The following GABRR1 variants were observed in gnomAD, a reference collection of about 807,000 sequenced individuals.
The protein encoded by GABRR1 is gamma-aminobutyric acid receptor subunit rho-1.
GABRR1 carries 59 observed loss-of-function variants against 55.5 expected under a neutral mutation model. That is an observed-to-expected ratio of 1.06 (90% CI 0.86 to 1.32). The LOEUF is 1.32. GABRR1 is among the 40% of genes most tolerant of loss of function. The probability of loss-of-function intolerance (pLI) is 0.00; values close to 1 mark genes in which losing one functional copy is unlikely to be tolerated. For synonymous variants in GABRR1, 213 were observed against 226.0 expected (o/e 0.94, Z 0.51); for missense variants, 602 against 619.1 (o/e 0.97, Z 0.29).
At chr6:89,204,627 G>A (rs1443766909) in intron 1 of GABRR1, 11 of 1,277,966 alleles carry the variant, frequency 8.6e-6, no homozygotes, top group Non-Finnish European at 1.1e-5. Context: ...AATGGAACCA[G>A]TCACTGATGA....
chr6:89,224,389 G>A (rs1007224489), intron 1 of GABRR1, among the ~76,000 whole-genome samples: 2 of 152,166 alleles, frequency 1.3e-5, no homozygotes, highest in African/African-American at 4.8e-5. Context: ...ACCATGCCCA[G>A]CCTGCATTGT....
At chr6:89,209,086 T>A (rs950627851) in intron 1 of GABRR1, among the ~76,000 whole-genome samples, 3 of 152,062 alleles carry the variant, frequency 2.0e-5, no homozygotes, top group Non-Finnish European at 2.9e-5. Context: ...AAAGAACACA[T>A]CAAGAATATG....
At chr6:89,196,190 T>C (rs1424658393) in intron 5 of GABRR1, among the ~76,000 whole-genome samples, 1 of 152,212 alleles carries the variant, frequency 6.6e-6, no homozygotes, top group East Asian at 1.9e-4. Context: ...GATGATAGAA[T>C]TATAAAAACT....
At position 89,180,297 on chromosome 6, in the gene GABRR1, C is replaced by T. The variant is rs560713515; in HGVS notation, c.1141G>A (p.Glu381Lys). 6.2e-7 allele frequency: 1 copy of T among 1,612,942 alleles called. No homozygotes were observed. The highest frequency in any genetic ancestry group is 1.3e-5 in the African/African-American group (1 of 74,936). Residue 381 changes from glutamate (E) to lysine (K), a missense_variant, in exon 9 of 10, where the codon GAG (glutamate) becomes AAG (lysine). Around this residue, in one of 3 missense-constraint regions of GABRR1, gnomAD observed 139 missense variants for 141.1 expected, o/e 0.99. Coordinates refer to ENST00000454853, the MANE Select transcript of GABRR1 (RefSeq NM_002042.5). ...VQERKEQKLREKLPCTSGLPP... is the reference protein window; with the variant it reads ...VQERKEQKLRKKLPCTSGLPP... ...TAAGCGCATGGCAAAGTCACCTTCT[C>T]CCGCAGCTTCTGTTCCTTCCTCTCC...
chr6:89,210,493 C>T (rs1396507394), intron 1 of GABRR1, among the ~76,000 whole-genome samples: 1 of 152,110 alleles, frequency 6.6e-6, no homozygotes, highest in East Asian at 1.9e-4. Flanking sequence ...CATGCCCAGT[C>T]TTCTGCAAAA....
At chr6:89,217,894 A>C (rs1773037856), upstream of GABRR1, 1 of 152,422 alleles carries the variant, frequency 6.6e-6, no homozygotes, top group Non-Finnish European at 1.5e-5. Flanking sequence ...TGAGATTGGG[A>C]GGGCAACTGG....
At chr6:89,199,491 A>G (rs978378147) in intron 3 of GABRR1, 62 bp from the exon 4 acceptor site, 3 of 1,516,204 alleles carry the variant, frequency 2.0e-6, no homozygotes, top group Non-Finnish European at 2.7e-6. Context: ...TATGGAGGAA[A>G]TAGGCAAAAG....
rs537350041 is a variant in GABRR1 at position 89,201,774 on chromosome 6, G to A, written c.174-509C>T. On this transcript the variant is annotated intron_variant, in intron 2 of 9. Transcript: ENST00000454853. ...AGCCTGGGCAACAGAGTGAGACCCCGTCTCAAAAAAAAAAAAAAAAATACC... is the reference window on the plus strand; with the variant it reads ...AGCCTGGGCAACAGAGTGAGACCCCATCTCAAAAAAAAAAAAAAAAATACC... Among the ~76,000 whole-genome samples the A allele has an allele frequency of 3.6e-4, 28 of 77,802 alleles. No homozygotes were observed. The East Asian group carries it at 6.9e-3, about 19-fold the overall frequency. 51.0% of individuals were successfully genotyped at this position (77,802 alleles called of 152,430 possible). A position where few individuals can be genotyped will look rare whatever the true frequency, so the allele number is the denominator to read the frequency against.
intron 5 of GABRR1, among the ~76,000 whole-genome samples, chr6:89,192,246 C>A (rs577582746): frequency 6.2e-4 from 95 of 152,162 alleles, no homozygotes; most frequent in Admixed American, 5.8e-3. Context: ...CACGACTGGG[C>A]GCCTCCACAC....
chr6:89,185,480 A>T (rs1771875576), intron 6 of GABRR1, 30 bp from the exon 7 acceptor site: 4 of 1,602,470 alleles, frequency 2.5e-6, no homozygotes, highest in African/African-American at 1.3e-5. Context: ...CATCAGACAC[A>T]AGGTGGTGGC....
intron 8 of GABRR1, among the ~76,000 whole-genome samples, chr6:89,181,147 A>AAGG (rs1238908826): frequency 6.6e-6 from 1 of 152,228 alleles, no homozygotes; most frequent in East Asian, 1.9e-4. Flanking sequence ...GTTAGAGGAC[A>AAGG]AGGCATCTGT....
At chr6:89,196,645 C>T (rs1014862122) in intron 5 of GABRR1, among the ~76,000 whole-genome samples, 33 of 151,896 alleles carry the variant, frequency 2.2e-4, no homozygotes, top group Non-Finnish European at 1.5e-4. Context: ...GGCATAGTGA[C>T]ACATGCCTTT....
chr6:89,222,346 T>G (rs897312984), upstream of GABRR1, among the ~76,000 whole-genome samples: 3 of 152,256 alleles, frequency 2.0e-5, no homozygotes, highest in Non-Finnish European at 4.4e-5. Flanking sequence ...AGCAGTGGCT[T>G]GGATCCTAAA....
intron 5 of GABRR1, among the ~76,000 whole-genome samples, chr6:89,191,228 A>G (rs1251470368): frequency 6.6e-6 from 1 of 152,166 alleles, no homozygotes; most frequent in Non-Finnish European, 1.5e-5. Flanking sequence ...TTTGATTGCC[A>G]GCAGCTGGGT....
intron 3 of GABRR1, 63 bp downstream of exon 3, chr6:89,201,096 A>C: frequency 1.6e-6 from 2 of 1,286,950 alleles, no homozygotes; most frequent in Non-Finnish European, 2.2e-6. Flanking sequence ...CCCTTGGCTA[A>C]TTTCCTGCCC....
chr6:89,185,913 T>G (rs2127791467), intron 6 of GABRR1, among the ~76,000 whole-genome samples: 1 of 152,324 alleles, frequency 6.6e-6, no homozygotes, highest in Middle Eastern at 3.4e-3. Context: ...AAAGGCTGAA[T>G]TTTAGCAAGA....
rs1418024783 is a variant in GABRR1, at chr6:89,196,861, AAGAAAGAAAGAAAGAAAGAG to A, written c.572+1139_572+1158del. 1.1e-3 allele frequency among the ~76,000 whole-genome samples: 141 copies of A among 131,156 alleles called. 1 individual carries two copies. Among genetic ancestry groups the A allele is most frequent in the African/African-American group, 3.5e-3 (130 of 36,936 alleles). 86.0% of individuals were successfully genotyped at this position (131,156 alleles called of 152,430 possible). A position where few individuals can be genotyped will look rare whatever the true frequency, so the allele number is the denominator to read the frequency against. On this transcript the variant is annotated intron_variant, in intron 5 of 9. Coordinates refer to ENST00000454853, the MANE Select transcript of GABRR1 (RefSeq NM_002042.5). ...AAAGAAAGAAAGAAAGAAAGAAAGA[AAGAAAGAAAGAAAGAAAGAG>A]AAGAGAAGAAAAAAGAAAAGAAAAT... is the stretch of plus-strand genomic sequence containing the variant.
chr6:89,222,616 A>T (rs1478049381), intron 1 of GABRR1, among the ~76,000 whole-genome samples: 1 of 152,148 alleles, frequency 6.6e-6, no homozygotes, highest in African/African-American at 2.4e-5. Context: ...GCCCATCTGT[A>T]ATGTGCTCTT....
At position 89,198,212 on chromosome 6, in the gene GABRR1, T is replaced by C; in HGVS notation, c.380A>G (p.Tyr127Cys). Reference protein sequence around the residue: ...DFTMTLYLRHYWKDERLSFPS... With the variant: ...DFTMTLYLRHCWKDERLSFPS... ...AAAAGACAGCCTCTCGTCCTTCCAG[T>C]AGTGCCTCAGGTAGAGGGTCATCGT... The change falls in exon 5 of 10, where the codon TAC becomes TGC. Residue 127 changes from tyrosine to cysteine, a missense_variant. Coordinates refer to ENST00000454853, the MANE Select transcript of GABRR1 (RefSeq NM_002042.5). The C allele has an allele frequency of 1.2e-6, 2 of 1,613,954 alleles. No homozygotes were observed. Among genetic ancestry groups the C allele is most frequent in the Non-Finnish European group, 1.7e-6 (2 of 1,179,966 alleles).
Sources: gnomAD v4.1 joint callset for allele counts (sites outside exome capture counted in the v4.1 genomes callset) on GRCh38, gnomAD v4.1.1 for gene constraint, gnomAD v4.1.1 regional missense constraint, MANE v1.5 for transcripts, NCBI Gene and HGNC (gene_info 2026-07-23, HGNC 2026-07-21) for gene names.